The following ACOXL variants were observed in gnomAD, a reference collection of about 807,000 sequenced individuals.
ACOXL encodes the protein acyl-CoA oxidase like, also known as acyl-coenzyme A oxidase-like protein.
In ACOXL, 70 loss-of-function variants were observed where a neutral mutation model predicts 71.9. The observed-to-expected ratio is 0.97, with a 90% CI of 0.80 to 1.19. The LOEUF (loss-of-function observed/expected upper bound fraction) is 1.19. ACOXL is among the 50% of genes most tolerant of loss of function. The pLI is 0.00. For synonymous variants in ACOXL, 253 were observed against 281.6 expected (o/e 0.90, Z 1.02); for missense variants, 703 against 736.3 (o/e 0.95, Z 0.52).
intron 11 of ACOXL, among the ~76,000 whole-genome samples, chr2:110,929,038 G>A (rs2060385513): frequency 6.6e-6 from 1 of 152,190 alleles, no homozygotes; most frequent in African/African-American, 2.4e-5. Flanking sequence ...CGGACTAATA[G>A]AGTAAATTGG....
intron 1 of ACOXL, among the ~76,000 whole-genome samples, chr2:110,737,130 T>C (rs1234887963): frequency 1.3e-5 from 2 of 152,254 alleles, no homozygotes; most frequent in African/African-American, 4.8e-5. Flanking sequence ...TGAAATTGAA[T>C]TCTTATTTTC....
rs1558765813 is a variant in ACOXL at position 110,943,253 on chromosome 2, A to AAAAGAAAGGAGGGAGGGAGGG, written c.1059+9620_1059+9640dup. 9.6e-5 allele frequency among the ~76,000 whole-genome samples: 14 copies of AAAAGAAAGGAGGGAGGGAGGG among 145,154 alleles called. No individual in the cohort carries two copies. In the East Asian group the frequency reaches 2.9e-3, roughly 31 times the overall value. ...GGAAGCAAGAAAGAGAAAGAAAAAG[A>AAAAGAAAGGAGGGAGGGAGGG]AAAGAAAGGAGGGAGGGAGGGAAAG... On this transcript the variant is annotated intron_variant, in intron 12 of 17. Transcript: ENST00000439055.
At chr2:110,903,919 C>T (rs2059343177) in intron 10 of ACOXL, among the ~76,000 whole-genome samples, 1 of 152,232 alleles carries the variant, frequency 6.6e-6, no homozygotes, top group Non-Finnish European at 1.5e-5. Context: ...AGTCTTGAGG[C>T]CCTCGGTCTC....
chr2:110,819,391 A>C (rs1005957510), intron 9 of ACOXL, among the ~76,000 whole-genome samples: 6 of 152,168 alleles, frequency 3.9e-5, no homozygotes, highest in Non-Finnish European at 8.8e-5. Context: ...TAGGGAAGGA[A>C]GTGTGGGTTT....
At chr2:110,874,734 C>T (rs377135320) in intron 10 of ACOXL, among the ~76,000 whole-genome samples, 12 of 152,126 alleles carry the variant, frequency 7.9e-5, no homozygotes, top group African/African-American at 1.7e-4. Flanking sequence ...CGGTGGAGGC[C>T]GTGAGGGCTG....
chr2:111,019,737 T>C (rs2064654910), intron 14 of ACOXL, among the ~76,000 whole-genome samples: 2 of 152,224 alleles, frequency 1.3e-5, no homozygotes, highest in South Asian at 4.1e-4. Flanking sequence ...ACAGCGTGCG[T>C]GAAAGAAGAG....
At chr2:111,109,479 C>G (rs1242847369) in intron 17 of ACOXL, among the ~76,000 whole-genome samples, 1 of 151,826 alleles carries the variant, frequency 6.6e-6, no homozygotes, top group Non-Finnish European at 1.5e-5. Flanking sequence ...GGAATAATTT[C>G]TATGAATCTG....
chr2:110,781,603 T>G (rs1252731955), intron 2 of ACOXL, among the ~76,000 whole-genome samples: 1 of 151,784 alleles, frequency 6.6e-6, no homozygotes. Flanking sequence ...GATCGCACCA[T>G]GCACTCCAGC....
At chr2:110,838,057 G>C (rs1276147821) in intron 9 of ACOXL, among the ~76,000 whole-genome samples, 1 of 152,218 alleles carries the variant, frequency 6.6e-6, no homozygotes, top group African/African-American at 2.4e-5. Context: ...GAGCCTCTCT[G>C]AATGCCAAAG....
At position 110,787,080 on chromosome 2, in the gene ACOXL, G is replaced by T. The variant is rs561185515; in HGVS notation, c.159+2265G>T. 8.5e-5 allele frequency among the ~76,000 whole-genome samples: 13 copies of T among 152,088 alleles called. No individual in the cohort carries two copies. In the East Asian group the frequency reaches 1.5e-3, roughly 18 times the overall value. On this transcript the variant is annotated intron_variant, in intron 3 of 17. Transcript: ENST00000439055. ...GGAAGGGAAAGTAGGTAGGGGTGGC[G>T]GGGGGAGGGAGATGAAGGAAAATGG...
chr2:111,030,570 C>G (rs1837371), intron 14 of ACOXL, among the ~76,000 whole-genome samples: 138,224 of 152,228 alleles, frequency 0.91, 63,020 homozygotes, highest in African/African-American at 0.98. Flanking sequence ...TGTGTTACAG[C>G]AGGGATTTTA....
intron 1 of ACOXL, among the ~76,000 whole-genome samples, chr2:110,757,802 G>A (rs946497356): frequency 4.6e-5 from 7 of 150,978 alleles, no homozygotes; most frequent in Admixed American, 2.0e-4. Context: ...TTAGACTTTC[G>A]TCAGATAGAT....
chr2:110,908,626 G>T (rs1384789), intron 10 of ACOXL, among the ~76,000 whole-genome samples, 163 bp from the exon 11 acceptor site: 1 of 152,186 alleles, frequency 6.6e-6, no homozygotes, highest in Non-Finnish European at 1.5e-5. Context: ...GCTTTCCTCA[G>T]AAACTTAGGC....
At chr2:110,795,827 A>G (rs975047727) in intron 5 of ACOXL, 5 of 151,892 alleles carry the variant, frequency 3.3e-5, no homozygotes, top group Admixed American at 2.6e-4. Flanking sequence ...GCTCTTATTT[A>G]TTTGTTTCTT....
chr2:110,844,554 T>C (rs1573796134), intron 10 of ACOXL, among the ~76,000 whole-genome samples: 1 of 149,736 alleles, frequency 6.7e-6, no homozygotes, highest in African/African-American at 2.4e-5. Flanking sequence ...TCTTTTCTTT[T>C]TTTTTTTTTT....
intron 14 of ACOXL, among the ~76,000 whole-genome samples, chr2:111,015,489 G>A (rs188863163): frequency 8.5e-4 from 130 of 152,234 alleles, no homozygotes; most frequent in East Asian, 7.9e-3. Flanking sequence ...ATGCTACAAA[G>A]CAACCAAAGC....
chr2:110,894,750 T>C (rs2058941355), intron 10 of ACOXL, among the ~76,000 whole-genome samples: 1 of 152,100 alleles, frequency 6.6e-6, no homozygotes, highest in Admixed American at 6.5e-5. Flanking sequence ...CTGTCACTGC[T>C]CTTCAGCAAT....
chr2:111,007,343 T>C (rs573780930), intron 14 of ACOXL, among the ~76,000 whole-genome samples: 23 of 152,214 alleles, frequency 1.5e-4, no homozygotes, highest in Admixed American at 5.2e-4. Flanking sequence ...GTTTGCCTAG[T>C]AGGGATTTTC....
chr2:111,047,507 C>CA (rs966890774), intron 15 of ACOXL, among the ~76,000 whole-genome samples: 26 of 152,220 alleles, frequency 1.7e-4, no homozygotes, highest in African/African-American at 6.3e-4. Flanking sequence ...AGACAGTAGT[C>CA]AGAGATCAAT....
Sources: gnomAD v4.1 joint callset for allele counts (sites outside exome capture counted in the v4.1 genomes callset) on GRCh38, gnomAD v4.1.1 for gene constraint, MANE v1.5 for transcripts, NCBI Gene and HGNC (gene_info 2026-07-23, HGNC 2026-07-21) for gene names.